The following GNB1L variants were observed in gnomAD, a reference collection of about 807,000 sequenced individuals.
The protein encoded by GNB1L is guanine nucleotide-binding protein subunit beta-like protein 1.
GNB1L carries 20 observed loss-of-function variants against 29.1 expected under a neutral mutation model. That is an observed-to-expected ratio of 0.69 (90% CI 0.48 to 1.00). The LOEUF (loss-of-function observed/expected upper bound fraction) is 1.00. GNB1L is among the 50% of genes least tolerant of loss of function. The probability of loss-of-function intolerance (pLI) is 0.00; values close to 1 mark genes in which losing one functional copy is unlikely to be tolerated. For synonymous variants in GNB1L, 193 were observed against 206.5 expected (o/e 0.93, Z 0.56); for missense variants, 421 against 464.9 (o/e 0.91, Z 0.87).
chr22:19,834,829 T>G (rs13054297), intron 2 of GNB1L, among the ~76,000 whole-genome samples: 10 of 151,710 alleles, frequency 6.6e-5, no homozygotes, highest in Non-Finnish European at 7.4e-5. Flanking sequence ...AACAACAAAA[T>G]AGTAGACCTA....
In GNB1L at chr22:19,788,874, C is replaced by T; in HGVS notation, c.819G>A (p.Trp273Ter). Residue 273 changes from tryptophan to a stop codon, truncating the protein, a stop_gained, in exon 8 of 8, where the codon TGG becomes TGA. Coordinates refer to ENST00000329517, the MANE Select transcript of GNB1L (RefSeq NM_053004.3). LOFTEE classifies it high-confidence loss of function. ...AGTGGAACACGCGGATGCGGTGGTC[C>T]CAGCCTGCGGTGGCCAGGATCTTGC... ...PDRKILATAG[W>*]DHRIRVFHWR... The T allele has an allele frequency of 6.2e-7, 1 of 1,612,896 alleles. No homozygotes were observed.
intron 2 of GNB1L, among the ~76,000 whole-genome samples, chr22:19,842,436 T>G (rs895004047): frequency 5.3e-5 from 8 of 152,246 alleles, no homozygotes; most frequent in Admixed American, 1.3e-4. Flanking sequence ...CAGTCACTGA[T>G]GTCTGCCCAC....
chr22:19,788,760 C>T lies in GNB1L; in HGVS notation c.933G>A (p.Ala311=), dbSNP rs772935443. The T allele has an allele frequency of 1.7e-5, 27 of 1,611,716 alleles. No individual in the cohort carries two copies. The highest frequency in any genetic ancestry group is 3.3e-5 in the Admixed American group (2 of 59,974). ...VAFTADGLLA[A]GSKDQRISLW... The stretch of plus-strand genomic sequence containing the variant: ...GGCTGATCCGCTGATCCTTGGAGCC[C>T]GCGGCCAGCAAGCCATCGGCGGTGA... The change falls in exon 8 of 8, where the codon GCG becomes GCA. Residue 311 remains alanine, a synonymous_variant. Coordinates refer to ENST00000329517, the MANE Select transcript of GNB1L (RefSeq NM_053004.3).
chr22:19,790,537 T>C (rs1937242112), intron 7 of GNB1L, among the ~76,000 whole-genome samples: 1 of 152,012 alleles, frequency 6.6e-6, no homozygotes, highest in Middle Eastern at 3.2e-3. Flanking sequence ...ACAGGCTGAG[T>C]GTGGTGGCTC....
chr22:19,849,248 G>A (rs1938035827), intron 2 of GNB1L: 1 of 984,912 alleles, frequency 1.0e-6, no homozygotes, highest in African/African-American at 1.7e-5. Flanking sequence ...TACCTACAAG[G>A]TATCTGTGCC....
In GNB1L at chr22:19,809,273, A is replaced by G. The variant is rs76323908; in HGVS notation, c.418-2516T>C. On this transcript the variant is annotated intron_variant, in intron 5 of 7. Transcript: ENST00000329517. Reference sequence around the variant, plus strand: ...GAGGCTGGCATGCTGGCAGGCCATCAACCAGCGAGCGGAATGAGGTGGAAT... The same window carrying G: ...GAGGCTGGCATGCTGGCAGGCCATCGACCAGCGAGCGGAATGAGGTGGAAT... 8.2e-3 allele frequency among the ~76,000 whole-genome samples: 1,241 copies of G among 152,122 alleles called. 39 individuals are homozygous for G. The South Asian group carries it at 0.11, about 13-fold the overall frequency.
intron 2 of GNB1L, among the ~76,000 whole-genome samples, chr22:19,826,490 A>G (rs2145886358): frequency 6.6e-6 from 1 of 152,338 alleles, no homozygotes. Context: ...AGAGCAGAGC[A>G]CTCGGGTATA....
intron 2 of GNB1L, among the ~76,000 whole-genome samples, chr22:19,823,148 C>A (rs959999874): frequency 2.6e-5 from 4 of 152,368 alleles, no homozygotes; most frequent in Non-Finnish European, 4.4e-5. Context: ...GAAGACAATG[C>A]GGAGTTCCCT....
intron 2 of GNB1L, among the ~76,000 whole-genome samples, chr22:19,828,694 T>C (rs1298403894): frequency 6.6e-6 from 1 of 150,830 alleles, no homozygotes; most frequent in East Asian, 1.9e-4. Context: ...ATATAATATA[T>C]AATTAATCTA....
intron 7 of GNB1L, among the ~76,000 whole-genome samples, chr22:19,789,285 G>A (rs992566533): frequency 2.0e-5 from 3 of 152,180 alleles, no homozygotes; most frequent in African/African-American, 7.2e-5. Flanking sequence ...CTCACCCCAG[G>A]GAAGCCACTG....
At chr22:19,795,102 C>T (rs1238411452) in intron 7 of GNB1L, among the ~76,000 whole-genome samples, 3 of 152,080 alleles carry the variant, frequency 2.0e-5, no homozygotes, top group Non-Finnish European at 4.4e-5. Flanking sequence ...CTAAGAAAGT[C>T]GATGCTACTG....
chr22:19,799,129 C>T (rs1424214125), intron 7 of GNB1L, among the ~76,000 whole-genome samples: 1 of 152,236 alleles, frequency 6.6e-6, no homozygotes, highest in Non-Finnish European at 1.5e-5. Flanking sequence ...TGTGGGAGAG[C>T]CACGGTTGGT....
intron 4 of GNB1L, 82 bp downstream of exon 4, chr22:19,820,516 A>G (rs1282612131): frequency 3.7e-5 from 53 of 1,439,732 alleles, no homozygotes; most frequent in Non-Finnish European, 5.0e-5. Flanking sequence ...TCTGCCCCTC[A>G]GTGGGGGACA....
At chr22:19,853,512 C>T (rs1938159512) in intron 2 of GNB1L, among the ~76,000 whole-genome samples, 1 of 152,288 alleles carries the variant, frequency 6.6e-6, no homozygotes, top group South Asian at 2.1e-4. Context: ...TCTGCTTCAC[C>T]CCACACACAA....
At chr22:19,798,009 G>A (rs905117023) in intron 7 of GNB1L, among the ~76,000 whole-genome samples, 3 of 152,188 alleles carry the variant, frequency 2.0e-5, no homozygotes, top group African/African-American at 7.2e-5. Flanking sequence ...GCTGCAGCAC[G>A]ACACACAGCC....
intron 2 of GNB1L, among the ~76,000 whole-genome samples, chr22:19,832,394 G>A (rs1038996452): frequency 6.6e-6 from 1 of 152,168 alleles, no homozygotes; most frequent in Non-Finnish European, 1.5e-5. Flanking sequence ...GCAGCCAGCC[G>A]GGTTTTGGAG....
intron 4 of GNB1L, among the ~76,000 whole-genome samples, chr22:19,815,514 A>G (rs184663891): frequency 1.3e-5 from 2 of 152,320 alleles, no homozygotes; most frequent in East Asian, 3.9e-4. Flanking sequence ...GCTGCACACC[A>G]CGCTCATATG....
At chr22:19,819,291 A>G (rs1220126651) in intron 4 of GNB1L, among the ~76,000 whole-genome samples, 1 of 152,204 alleles carries the variant, frequency 6.6e-6, no homozygotes, top group Non-Finnish European at 1.5e-5. Flanking sequence ...GAGCTGGGTA[A>G]CCTCAGGATG....
At chr22:19,850,493 G>A (rs769503115) in intron 2 of GNB1L, 317 of 1,034,950 alleles carry the variant, frequency 3.1e-4, no homozygotes, top group Non-Finnish European at 3.5e-4. Flanking sequence ...CACAAAGGGC[G>A]AATGCCTGCA....
Sources: gnomAD v4.1 joint callset for allele counts (sites outside exome capture counted in the v4.1 genomes callset) on GRCh38, gnomAD v4.1.1 for gene constraint, MANE v1.5 for transcripts, NCBI Gene and HGNC (gene_info 2026-07-23, HGNC 2026-07-21) for gene names.